The following ARMC2 variants were observed in gnomAD, a reference collection of about 807,000 sequenced individuals.
ARMC2 encodes the protein armadillo repeat containing 2.
A neutral mutation model predicts 90.3 loss-of-function variants in ARMC2; 67 were observed. That is an observed-to-expected ratio of 0.74 (90% CI 0.61 to 0.91). The LOEUF (loss-of-function observed/expected upper bound fraction) is 0.91, where lower values mean the gene tolerates loss of function less well. ARMC2 is among the 40% of genes least tolerant of loss of function. ARMC2 has a pLI of 0.00. For synonymous variants in ARMC2, 393 were observed against 393.0 expected (o/e 1.00, Z 0.00); for missense variants, 920 against 1,030.9 (o/e 0.89, Z 1.47).
chr6:108,944,634 G>A (rs370719185), intron 12 of ARMC2, among the ~76,000 whole-genome samples: 8 of 152,160 alleles, frequency 5.3e-5, no homozygotes, highest in Admixed American at 2.0e-4. Flanking sequence ...TGCAGATATC[G>A]TGTTTTGAGA....
intron 5 of ARMC2, among the ~76,000 whole-genome samples, chr6:108,891,025 GT>G (rs1770972707): frequency 6.7e-6 from 1 of 149,460 alleles, no homozygotes; most frequent in Admixed American, 6.7e-5. Context: ...CTGTTCTTGT[GT>G]TTGCTGAGAA....
At chr6:109,034,677 A>C in the ARMC2 span, among the ~76,000 whole-genome samples, 3 of 152,216 alleles carry the variant, frequency 2.0e-5, no homozygotes, top group Non-Finnish European at 4.4e-5. Flanking sequence ...TACAAAAGGG[A>C]ATGGGAGTGT....
intron 3 of ARMC2, among the ~76,000 whole-genome samples, chr6:108,861,407 A>G (rs1740198482): frequency 6.6e-6 from 1 of 152,268 alleles, no homozygotes; most frequent in Non-Finnish European, 1.5e-5. Context: ...TCATATGAAC[A>G]AGGACAGTCT....
intron 11 of ARMC2, among the ~76,000 whole-genome samples, chr6:108,928,815 G>A (rs1042152936): frequency 6.6e-6 from 1 of 151,946 alleles, no homozygotes; most frequent in African/African-American, 2.4e-5. Context: ...TTCCTCCCGC[G>A]CTGCTCTTTG....
the ARMC2 span, among the ~76,000 whole-genome samples, chr6:109,045,549 G>A: frequency 3.3e-5 from 5 of 152,146 alleles, no homozygotes; most frequent in African/African-American, 9.7e-5. Flanking sequence ...AAATCTCATG[G>A]TTCTGTACTT....
chr6:108,953,260 TCGTGTGCTGGCCAA>T lies in ARMC2; in HGVS notation c.1826_1839del (p.Arg609HisfsTer31). ...CAGAGGACGTGCTCATCAAGCTGAC[TCGTGTGCTGGCCAA>T]CATTGCCATCCACCCGGGCGTGGGC... On this transcript the variant is annotated frameshift_variant, in exon 13 of 18. Coordinates refer to ENST00000392644, the MANE Select transcript of ARMC2 (RefSeq NM_032131.6). LOFTEE classifies it high-confidence loss of function. 6.2e-7 allele frequency: 1 copy of T among 1,613,388 alleles called. No individual in the cohort carries two copies. Among genetic ancestry groups the T allele is most frequent in the Non-Finnish European group, 8.5e-7 (1 of 1,179,878 alleles).
chr6:108,985,478 T>C, the ARMC2 span, among the ~76,000 whole-genome samples: 15,269 of 152,262 alleles, frequency 0.1, 907 homozygotes, highest in Middle Eastern at 0.19. Flanking sequence ...GTGTTTAGTT[T>C]TGAGAAAACA....
the ARMC2 span, among the ~76,000 whole-genome samples, chr6:108,995,491 G>A: frequency 6.6e-6 from 1 of 152,178 alleles, no homozygotes; most frequent in African/African-American, 2.4e-5. Context: ...ATAGAGTAAT[G>A]GGGCTGACAA....
chr6:108,961,793 C>T, intron 14 of ARMC2, 99 bp downstream of exon 14: 1 of 1,352,046 alleles, frequency 7.4e-7, no homozygotes, highest in East Asian at 2.3e-5. Flanking sequence ...CTTCTGCCTT[C>T]TGGTACAGAA....
the ARMC2 span, among the ~76,000 whole-genome samples, chr6:109,003,048 C>CCTTA: frequency 6.6e-6 from 1 of 151,944 alleles, no homozygotes; most frequent in African/African-American, 2.4e-5. Flanking sequence ...GAATCCTGTA[C>CCTTA]CTTATGTGAT....
At chr6:109,012,040 C>A in the ARMC2 span, among the ~76,000 whole-genome samples, 1 of 152,124 alleles carries the variant, frequency 6.6e-6, no homozygotes. Context: ...GAAGGTAGGC[C>A]TGATGTTCTG....
chr6:109,015,005 G>C, the ARMC2 span, among the ~76,000 whole-genome samples: 3 of 152,074 alleles, frequency 2.0e-5, no homozygotes, highest in African/African-American at 7.2e-5. Context: ...CAATGTCCTA[G>C]TGCCCTGCAC....
intron 5 of ARMC2, among the ~76,000 whole-genome samples, chr6:108,885,980 T>G (rs558164314): frequency 6.6e-6 from 1 of 152,248 alleles, no homozygotes; most frequent in Non-Finnish European, 1.5e-5. Flanking sequence ...TGAGTACTTA[T>G]GACAGAAACT....
chr6:108,897,992 T>C (rs1002007604), intron 6 of ARMC2, among the ~76,000 whole-genome samples: 1 of 152,164 alleles, frequency 6.6e-6, no homozygotes, highest in Non-Finnish European at 1.5e-5. Flanking sequence ...ATTAGAGGCA[T>C]TGGAAAATAC....
chr6:108,991,495 G>C, the ARMC2 span, among the ~76,000 whole-genome samples: 1 of 152,168 alleles, frequency 6.6e-6, no homozygotes, highest in East Asian at 1.9e-4. Context: ...TCCCATCTTG[G>C]TCTCTCAAAG....
At chr6:108,990,857 A>C in the ARMC2 span, 1 of 1,585,942 alleles carries the variant, frequency 6.3e-7, no homozygotes, top group Non-Finnish European at 8.6e-7. Flanking sequence ...GAATAGAACA[A>C]ATGTGAATAA....
At chr6:109,013,767 G>A in the ARMC2 span, among the ~76,000 whole-genome samples, 6 of 152,254 alleles carry the variant, frequency 3.9e-5, no homozygotes, top group African/African-American at 1.4e-4. Context: ...TGTGGTTTAA[G>A]CATTCTTGAA....
At chr6:108,994,140 TAAAAAAAAAAAAA>T in the ARMC2 span, among the ~76,000 whole-genome samples, 3 of 100,266 alleles carry the variant, frequency 3.0e-5, no homozygotes, top group East Asian at 2.7e-4. Flanking sequence ...CCCTGTTTCT[TAAAAAAAAAAAAA>T]AAAAAAAAAA....
At chr6:108,906,384 T>G (rs1294819803) in intron 8 of ARMC2, among the ~76,000 whole-genome samples, 3 of 152,216 alleles carry the variant, frequency 2.0e-5, no homozygotes, top group Non-Finnish European at 4.4e-5. Flanking sequence ...TACTTTTCTT[T>G]AATTTGCCAA....
Sources: allele counts gnomAD v4.1 joint callset (sites outside exome capture counted in the v4.1 genomes callset), GRCh38; gene constraint gnomAD v4.1.1; transcripts MANE v1.5; gene names NCBI Gene and HGNC (gene_info 2026-07-23, HGNC 2026-07-21).